FABP12: variants seen among roughly 807,000 people sequenced by gnomAD.
FABP12 encodes the protein fatty acid-binding protein 12.
Under a neutral mutation model 13.7 loss-of-function variants are expected in FABP12, and 19 were observed. That is an observed-to-expected ratio of 1.39 (90% CI 0.97 to 2.04). The LOEUF is 2.04. FABP12 is among the 30% of genes most tolerant of loss of function. The pLI, the probability that FABP12 is intolerant of heterozygous loss-of-function variation, is 0.00. For synonymous variants in FABP12, 61 were observed against 57.0 expected (o/e 1.07, Z -0.32); for missense variants, 182 against 164.2 (o/e 1.11, Z -0.59).
chr8:81,549,027 G>A (rs746579246), intron 1 of FABP12, among the ~76,000 whole-genome samples: 2 of 152,106 alleles, frequency 1.3e-5, no homozygotes, highest in Non-Finnish European at 2.9e-5. Flanking sequence ...ATCAGTTGAG[G>A]ATCTTGATAC....
At position 81,527,135 on chromosome 8, in the gene FABP12, A is replaced by T. The variant is rs1351485059; in HGVS notation, c.247-14T>A. 6.8e-7 allele frequency: 1 copy of T among 1,460,628 alleles called. No individual in the cohort carries two copies. The highest frequency in any genetic ancestry group is 2.3e-5 in the East Asian group (1 of 44,026). 90.5% of individuals were successfully genotyped at this position (1,460,628 alleles called of 1,614,324 possible). ...GGTTACTTTACTCTGAAAAACAGAAAAAACTAAATTCAGATCAGCTTGTCA... is the reference window on the plus strand; with the variant it reads ...GGTTACTTTACTCTGAAAAACAGAATAAACTAAATTCAGATCAGCTTGTCA... On this transcript the variant is annotated splice_polypyrimidine_tract_variant and intron_variant, in intron 3 of 4. Transcript: ENST00000360464.
chr8:81,529,447 G>T, exon 3 of FABP12: 2 of 1,613,812 alleles, frequency 1.2e-6, no homozygotes, highest in Non-Finnish European at 1.7e-6. Flanking sequence ...CCTTTGTTTT[G>T]TGGCCACCTG....
intron 1 of FABP12, among the ~76,000 whole-genome samples, chr8:81,570,302 G>C (rs1055345682): frequency 6.6e-6 from 1 of 152,210 alleles, no homozygotes; most frequent in African/African-American, 2.4e-5. Context: ...CAAGCGAGGC[G>C]CATGTTTCAG....
intron 1 of FABP12, 73 bp from the exon 2 acceptor site, chr8:81,531,463 C>T: frequency 1.7e-6 from 1 of 580,838 alleles, no homozygotes; most frequent in Non-Finnish European, 3.0e-6. Context: ...AACTCTAATC[C>T]TTGCAATGTT....
chr8:81,583,631 C>T (rs113215762), intron 1 of FABP12, among the ~76,000 whole-genome samples: 4,357 of 152,088 alleles, frequency 0.029, 202 homozygotes, highest in African/African-American at 0.1. Context: ...CAACCTACCA[C>T]GATTGAGTCA....
chr8:81,575,944 T>C (rs1009525639), intron 1 of FABP12, among the ~76,000 whole-genome samples: 1 of 152,198 alleles, frequency 6.6e-6, no homozygotes, highest in African/African-American at 2.4e-5. Flanking sequence ...AAAAATTGTC[T>C]TCCACGAAAT....
intron 1 of FABP12, among the ~76,000 whole-genome samples, chr8:81,575,060 C>T (rs752640292): frequency 6.6e-6 from 1 of 151,782 alleles, no homozygotes; most frequent in South Asian, 2.1e-4. Flanking sequence ...TCAGTTTGTG[C>T]ACTTTCAGTC....
At chr8:81,570,737 T>C (rs1809914592) in intron 1 of FABP12, among the ~76,000 whole-genome samples, 1 of 152,114 alleles carries the variant, frequency 6.6e-6, no homozygotes, top group Non-Finnish European at 1.5e-5. Context: ...AGTCGTCCTG[T>C]CATCTCTCAG....
At chr8:81,531,345 CAGT>C (rs775442929) in exon 2 of FABP12, 1 of 1,517,326 alleles carries the variant, frequency 6.6e-7, no homozygotes, top group Non-Finnish European at 9.0e-7. Context: ...TCTCAAAGAA[CAGT>C]AGTTTCATGT....
chr8:81,574,340 T>G (rs1401898292), intron 1 of FABP12, among the ~76,000 whole-genome samples: 1 of 152,174 alleles, frequency 6.6e-6, no homozygotes, highest in Non-Finnish European at 1.5e-5. Flanking sequence ...TGATATGTTG[T>G]TGGAGTCGAT....
At chr8:81,544,955 G>T (rs1270350371) in intron 1 of FABP12, among the ~76,000 whole-genome samples, 3 of 152,330 alleles carry the variant, frequency 2.0e-5, no homozygotes, top group Middle Eastern at 3.4e-3. Flanking sequence ...TCCAGGAAGA[G>T]ATTTTATGGC....
chr8:81,568,016 G>C (rs908017924), intron 1 of FABP12, among the ~76,000 whole-genome samples: 3 of 152,038 alleles, frequency 2.0e-5, no homozygotes, highest in African/African-American at 7.2e-5. Context: ...CCAGCTACTC[G>C]GGAGGCTGAG....
intron 4 of FABP12, chr8:81,526,610 A>AAC (rs781777219): frequency 4.4e-5 from 7 of 158,052 alleles, no homozygotes; most frequent in Non-Finnish European, 8.3e-5. Context: ...ACACCAAAAA[A>AAC]ACACCACTTC....
At chr8:81,544,941 T>C (rs1488548999) in intron 1 of FABP12, among the ~76,000 whole-genome samples, 3 of 152,222 alleles carry the variant, frequency 2.0e-5, no homozygotes, top group African/African-American at 7.2e-5. Flanking sequence ...TGATATTGTG[T>C]AATTCCAGGA....
chr8:81,529,268 A>C (rs747731922), intron 3 of FABP12, 170 bp downstream of exon 3: 19 of 686,726 alleles, frequency 2.8e-5, no homozygotes, highest in Non-Finnish European at 4.2e-5. Flanking sequence ...CATTTTTCAC[A>C]AGCATCCCAG....
intron 1 of FABP12, among the ~76,000 whole-genome samples, chr8:81,553,645 CAG>C (rs112680168): frequency 2.6e-4 from 39 of 152,286 alleles, no homozygotes; most frequent in African/African-American, 7.0e-4. Flanking sequence ...GATTCGAATA[CAG>C]AGTTTCTAGC....
chr8:81,535,407 C>T (rs1809198403), upstream of FABP12, among the ~76,000 whole-genome samples: 1 of 152,140 alleles, frequency 6.6e-6, no homozygotes. Context: ...TTGCCTTCCC[C>T]ACTATAATAA....
In FABP12 at chr8:81,525,081, C is replaced by T. The variant is rs201121910; in HGVS notation, c.388G>A (p.Glu130Lys). 5.6e-4 allele frequency: 889 copies of T among 1,596,524 alleles called. 1 individual carries two copies. The highest frequency in any genetic ancestry group is 7.3e-4 in the Non-Finnish European group (850 of 1,170,548). Residue 130 changes from glutamate to lysine, a missense_variant, in exon 5 of 5, where the codon GAG (glutamate) becomes AAG (lysine). By Grantham distance (56) the Glu-to-Lys change is moderately conservative (BLOSUM62 1). Coordinates refer to ENST00000360464, the Ensembl canonical transcript of FABP12. Reference sequence around the variant, plus strand: ...GAGACTGAGTTTGATGATACTTTCTCGTATGTTCGTGTACAGATAACACTG... The same window carrying T: ...GAGACTGAGTTTGATGATACTTTCTTGTATGTTCGTGTACAGATAACACTG...
chr8:81,565,652 A>G (rs1809807449), intron 1 of FABP12, among the ~76,000 whole-genome samples: 1 of 152,064 alleles, frequency 6.6e-6, no homozygotes, highest in South Asian at 2.1e-4. Context: ...CAAGATACCA[A>G]AACCTTTGGG....
Sources: allele counts gnomAD v4.1 joint callset (sites outside exome capture counted in the v4.1 genomes callset), GRCh38; gene constraint gnomAD v4.1.1; transcripts MANE v1.5; gene names NCBI Gene and HGNC (gene_info 2026-07-23, HGNC 2026-07-21).